The following PDE3A variants were observed in gnomAD, a reference collection of about 807,000 sequenced individuals.
PDE3A encodes cGMP-inhibited 3',5'-cyclic phosphodiesterase 3A.
A neutral mutation model predicts 98.3 loss-of-function variants in PDE3A; 43 were observed. The observed-to-expected ratio is 0.44, with a 90% CI of 0.34 to 0.56. The LOEUF (loss-of-function observed/expected upper bound fraction) is 0.56, where lower values mean the gene tolerates loss of function less well. PDE3A is among the 20% of genes least tolerant of loss of function. The pLI is 0.01. For missense variants in PDE3A, 1,427 were observed against 1,440.7 expected (o/e 0.99, Z 0.15); for synonymous variants, 663 against 567.9 (o/e 1.17, Z -2.38).
At chr12:20,506,671 T>C (rs541788739) in intron 1 of PDE3A, among the ~76,000 whole-genome samples, 111 of 152,148 alleles carry the variant, frequency 7.3e-4, no homozygotes, top group Non-Finnish European at 1.4e-3. Context: ...ACCTGGTTAA[T>C]TGTCTAAGAT....
intron 1 of PDE3A, among the ~76,000 whole-genome samples, chr12:20,451,591 G>A (rs768856088): frequency 2.6e-5 from 4 of 152,200 alleles, no homozygotes; most frequent in Non-Finnish European, 5.9e-5. Flanking sequence ...ACAGGCATAA[G>A]CAAGTACACC....
rs558899979 is a variant in PDE3A, at chr12:20,602,406, G to A, written c.1012-11037G>A. Among the ~76,000 whole-genome samples the A allele has an allele frequency of 8.1e-4, 123 of 152,258 alleles. No homozygotes were observed. The Middle Eastern group carries it at 0.01, about 13-fold the overall frequency. ...TAACTTTGAGTTGTTACGTGAGTTC[G>A]CTAGTGTCTGGAAAGTAGTTAGAAA... On this transcript the variant is annotated intron_variant, in intron 2 of 15. Transcript: ENST00000359062.
At chr12:20,667,587 A>C (rs1013847230) in intron 15 of PDE3A, among the ~76,000 whole-genome samples, 5 of 152,178 alleles carry the variant, frequency 3.3e-5, no homozygotes, top group Admixed American at 3.3e-4. Flanking sequence ...GGCTATAAAT[A>C]CATGCATTTA....
At chr12:20,500,764 CTTTCT>C (rs1293759328) in intron 1 of PDE3A, among the ~76,000 whole-genome samples, 2 of 139,160 alleles carry the variant, frequency 1.4e-5, no homozygotes, top group Non-Finnish European at 3.1e-5. Flanking sequence ...TTCATTCTTT[CTTTCT>C]TTTTTTTTTT....
At chr12:20,425,951 C>T (rs1427883395) in intron 1 of PDE3A, among the ~76,000 whole-genome samples, 1 of 152,082 alleles carries the variant, frequency 6.6e-6, no homozygotes, top group Non-Finnish European at 1.5e-5. Flanking sequence ...ATGTGTATGA[C>T]ACCTATTTCA....
At chr12:20,398,923 C>A (rs967550719) in intron 1 of PDE3A, among the ~76,000 whole-genome samples, 2 of 152,112 alleles carry the variant, frequency 1.3e-5, no homozygotes, top group African/African-American at 4.8e-5. Context: ...ACTTCCGGAA[C>A]TTTTTCATCT....
intron 2 of PDE3A, among the ~76,000 whole-genome samples, chr12:20,610,123 GAA>G (rs34582680): frequency 6.6e-6 from 1 of 151,792 alleles, no homozygotes; most frequent in Admixed American, 6.6e-5. Flanking sequence ...GACAGACTGG[GAA>G]AAAAAATATT....
chr12:20,518,785 CTT>C (rs527256896), intron 1 of PDE3A, among the ~76,000 whole-genome samples: 67 of 152,196 alleles, frequency 4.4e-4, no homozygotes, highest in African/African-American at 1.4e-3. Context: ...TTAAAAAAGA[CTT>C]TTATTTAATT....
At chr12:20,439,563 G>T (rs933588147) in intron 1 of PDE3A, among the ~76,000 whole-genome samples, 8 of 152,100 alleles carry the variant, frequency 5.3e-5, no homozygotes, top group Admixed American at 1.3e-4. Flanking sequence ...ACTGGTTATT[G>T]CTGACTGCTT....
At chr12:20,606,574 A>G (rs1224625582) in intron 2 of PDE3A, among the ~76,000 whole-genome samples, 1 of 152,032 alleles carries the variant, frequency 6.6e-6, no homozygotes, top group East Asian at 1.9e-4. Flanking sequence ...ATTAAAACAA[A>G]TTGGCCGGGT....
chr12:20,626,344 A>G (rs1383058724), intron 5 of PDE3A, among the ~76,000 whole-genome samples: 1 of 150,424 alleles, frequency 6.6e-6, no homozygotes, highest in Non-Finnish European at 1.5e-5. Flanking sequence ...TAAGTAAACT[A>G]AGATAATGCA....
At chr12:20,422,377 C>A (rs1321196562) in intron 1 of PDE3A, among the ~76,000 whole-genome samples, 3 of 151,876 alleles carry the variant, frequency 2.0e-5, no homozygotes, top group Middle Eastern at 3.2e-3. Context: ...CACTAACTGT[C>A]GAGTCTTTTA....
chr12:20,558,871 T>C (rs1265168868), intron 2 of PDE3A, among the ~76,000 whole-genome samples: 1 of 152,172 alleles, frequency 6.6e-6, no homozygotes, highest in Non-Finnish European at 1.5e-5. Context: ...CTCCAAAGCC[T>C]TGCTCAAGTC....
chr12:20,558,089 A>G (rs1942414704), intron 2 of PDE3A, among the ~76,000 whole-genome samples: 1 of 152,092 alleles, frequency 6.6e-6, no homozygotes, highest in Non-Finnish European at 1.5e-5. Context: ...AAAGCAAGGT[A>G]GTGTTATATA....
intron 1 of PDE3A, among the ~76,000 whole-genome samples, chr12:20,452,212 C>A (rs557677099): frequency 1.3e-5 from 2 of 152,330 alleles, no homozygotes; most frequent in African/African-American, 2.4e-5. Context: ...CGTGCAGATG[C>A]AAGATTAGTC....
intron 1 of PDE3A, among the ~76,000 whole-genome samples, chr12:20,425,846 A>T (rs1264237941): frequency 6.6e-6 from 1 of 152,202 alleles, no homozygotes; most frequent in Non-Finnish European, 1.5e-5. Flanking sequence ...GAATGAGACT[A>T]ACCTGGTTTT....
At chr12:20,621,711 C>T (rs1944140889) in intron 5 of PDE3A, among the ~76,000 whole-genome samples, 1 of 151,990 alleles carries the variant, frequency 6.6e-6, no homozygotes, top group Non-Finnish European at 1.5e-5. Flanking sequence ...AGCATCATCT[C>T]ATAATAGAAA....
intron 1 of PDE3A, chr12:20,551,992 G>A (rs1565586256): frequency 6.2e-7 from 1 of 1,612,608 alleles, no homozygotes; most frequent in Non-Finnish European, 8.5e-7. Flanking sequence ...CCGGAGCAAC[G>A]ACGGAGCGTA....
At chr12:20,617,815 A>G (rs191594656) in intron 4 of PDE3A, among the ~76,000 whole-genome samples, 2 of 152,088 alleles carry the variant, frequency 1.3e-5, no homozygotes, top group Non-Finnish European at 2.9e-5. Context: ...GTCAAATCCT[A>G]TCTCCCCTGC....
Sources: gnomAD v4.1 joint callset for allele counts (sites outside exome capture counted in the v4.1 genomes callset) on GRCh38, gnomAD v4.1.1 for gene constraint, MANE v1.5 for transcripts, NCBI Gene and HGNC (gene_info 2026-07-23, HGNC 2026-07-21) for gene names.